The following UNC13B variants were observed in gnomAD, a reference collection of about 807,000 sequenced individuals.
UNC13B encodes the protein protein unc-13 homolog B.
A neutral mutation model predicts 211.0 loss-of-function variants in UNC13B; 144 were observed. The observed-to-expected ratio is 0.68, with a 90% CI of 0.60 to 0.78. UNC13B has a LOEUF of 0.78. Ranked by LOEUF, UNC13B falls within the 30% of genes least tolerant of loss-of-function variation. The pLI is 0.00. For missense variants in UNC13B, 1,777 were observed against 2,002.0 expected (o/e 0.89, Z 2.14); for synonymous variants, 709 against 725.8 (o/e 0.98, Z 0.37).
chr9:35,212,386 A>G (rs1417568841), intron 1 of UNC13B, among the ~76,000 whole-genome samples: 1 of 152,186 alleles, frequency 6.6e-6, no homozygotes, highest in East Asian at 1.9e-4. Context: ...CAGCCTGGCC[A>G]ACATGGCGAA....
intron 1 of UNC13B, among the ~76,000 whole-genome samples, chr9:35,175,878 T>C (rs1821601756): frequency 7.2e-6 from 1 of 138,918 alleles, no homozygotes; most frequent in African/African-American, 2.7e-5. Flanking sequence ...AAAAAAAAAT[T>C]AGCCAGACAT....
intron 1 of UNC13B, among the ~76,000 whole-genome samples, chr9:35,188,615 A>T (rs1822490307): frequency 6.6e-6 from 1 of 152,194 alleles, no homozygotes; most frequent in Non-Finnish European, 1.5e-5. Flanking sequence ...AGGCATCAGG[A>T]AAGACAATTT....
chr9:35,247,447 T>G (rs999802592), intron 6 of UNC13B, among the ~76,000 whole-genome samples: 31 of 152,302 alleles, frequency 2.0e-4, no homozygotes, highest in Middle Eastern at 3.4e-3. Context: ...TCAAAGGGAA[T>G]GCTTCCAGTT....
In UNC13B at chr9:35,404,001, T is replaced by A. The variant is rs1836522687; in HGVS notation, c.12991T>A (p.Ser4331Thr). 1 of 1,613,798 alleles carries A rather than the reference T, an allele frequency of 6.2e-7. No individual in the cohort carries two copies. Among genetic ancestry groups the A allele is most frequent in the Non-Finnish European group, 8.5e-7 (1 of 1,180,014 alleles). The change falls in exon 40 of 40, where the codon TCA becomes ACA. Residue 4331 changes from serine (S) to threonine (T), a missense_variant. Physicochemically the swap from Ser to Thr is moderately conservative, Grantham distance 58. Coordinates refer to ENST00000635942, the MANE Select transcript of UNC13B (RefSeq NM_001371189.2). ...GGCCCGAGAATTTGTGAAACTCAAA[T>A]CAGAGTCTCGTTCCACGGAGGAGGG... ...EVAREFVKLKSESRSTEEGS is the reference protein window; with the variant it reads ...EVAREFVKLKTESRSTEEGS
chr9:35,387,122 G>C (rs555917740), intron 24 of UNC13B, among the ~76,000 whole-genome samples: 1 of 152,258 alleles, frequency 6.6e-6, no homozygotes, highest in South Asian at 2.1e-4. Context: ...AATCAAAAGA[G>C]TCTGTTTGAA....
rs117201546 is a variant in UNC13B, at chr9:35,339,278, C to G, written c.9414+25289C>G. ...AGCAGCCTACTTTGAGGAAGCTTCC[C>G]AACTGAGGTGGGTGCTGTGCTATTT... On this transcript the variant is annotated intron_variant, in intron 11 of 39. Transcript: ENST00000635942. Among the ~76,000 whole-genome samples the G allele has an allele frequency of 4.5e-4, 68 of 152,308 alleles. 1 individual carries two copies. The highest frequency in any genetic ancestry group is 2.7e-3 in the South Asian group (13 of 4,824).
chr9:35,377,971 G>T lies in UNC13B; in HGVS notation c.10063+276G>T, dbSNP rs572890817. On this transcript the variant is annotated intron_variant, in intron 16 of 39. Transcript: ENST00000635942. ...CTAACAGTTTGATATTATAAGAGGT[G>T]GGGGGAGGGGGAAGGGGAAGGGCAG... Among the ~76,000 whole-genome samples the T allele has an allele frequency of 5.9e-5, 9 of 152,178 alleles. No homozygotes were observed. In the East Asian group the frequency reaches 1.2e-3, roughly 20 times the overall value.
chr9:35,331,492 C>T (rs1436515457), intron 11 of UNC13B, among the ~76,000 whole-genome samples: 1 of 152,182 alleles, frequency 6.6e-6, no homozygotes, highest in African/African-American at 2.4e-5. Flanking sequence ...AGCGATCTGC[C>T]TGCCTTGGCC....
At chr9:35,358,376 C>T (rs1309663103) in intron 11 of UNC13B, among the ~76,000 whole-genome samples, 1 of 152,158 alleles carries the variant, frequency 6.6e-6, no homozygotes, top group Non-Finnish European at 1.5e-5. Flanking sequence ...ATCACCATAC[C>T]ATTTTCCATG....
At chr9:35,336,918 G>A (rs566864554) in intron 11 of UNC13B, among the ~76,000 whole-genome samples, 40 of 152,304 alleles carry the variant, frequency 2.6e-4, no homozygotes, top group African/African-American at 9.6e-4. Context: ...CCATCCTGAT[G>A]TTTACTCTCT....
intron 1 of UNC13B, among the ~76,000 whole-genome samples, chr9:35,168,637 C>T (rs1401933433): frequency 6.6e-6 from 1 of 151,766 alleles, no homozygotes; most frequent in Non-Finnish European, 1.5e-5. Context: ...TAAGTTTGAC[C>T]TGTGATTTCC....
At chr9:35,233,062 C>T (rs1587427133) in intron 3 of UNC13B, among the ~76,000 whole-genome samples, 1 of 152,056 alleles carries the variant, frequency 6.6e-6, no homozygotes, top group East Asian at 1.9e-4. Flanking sequence ...TCATTTATTC[C>T]CTCTCTCAGT....
At chr9:35,336,556 G>A (rs1831670114) in intron 11 of UNC13B, among the ~76,000 whole-genome samples, 1 of 152,138 alleles carries the variant, frequency 6.6e-6, no homozygotes, top group Non-Finnish European at 1.5e-5. Flanking sequence ...AAGTGCAGTG[G>A]TGTGATCATG....
chr9:35,313,786 TG>T, intron 10 of UNC13B, 112 bp from the exon 11 acceptor site: 1 of 770,770 alleles, frequency 1.3e-6, no homozygotes, highest in Non-Finnish European at 2.3e-6. Flanking sequence ...ACTAAATAAG[TG>T]TAGGCATGAG....
chr9:35,398,996 T>C lies in UNC13B; in HGVS notation c.12036T>C (p.Asp4012=). 1 of 1,614,158 alleles carries C rather than the reference T, an allele frequency of 6.2e-7. No homozygotes were observed. The highest frequency in any genetic ancestry group is 8.5e-7 in the Non-Finnish European group (1 of 1,180,012). ...GGGCCTCAGCGGCTCAGGATGCAGA[T>C]AGCGTACTCCGGCCTCTCATGGACT... The part of the protein sequence containing the change: ...DARASAAQDA[D]SVLRPLMDFL... The change falls in exon 33 of 40, where the codon GAT becomes GAC. Residue 4012 remains aspartate (D), a synonymous_variant. Coordinates refer to ENST00000635942, the MANE Select transcript of UNC13B (RefSeq NM_001371189.2).
chr9:35,387,080 G>C (rs1305201657), intron 24 of UNC13B, among the ~76,000 whole-genome samples: 2 of 152,180 alleles, frequency 1.3e-5, no homozygotes, highest in African/African-American at 4.8e-5. Context: ...CCTTCAGTAA[G>C]TTTGCAGTCT....
chr9:35,306,379 T>A lies in UNC13B; in HGVS notation c.6975T>A (p.Asn2325Lys), dbSNP rs927425736. 23 of 398,872 alleles carry A rather than the reference T, an allele frequency of 5.8e-5. No homozygotes were observed. Among genetic ancestry groups the A allele is most frequent in the Non-Finnish European group, 1.8e-5 (4 of 226,052 alleles). 24.7% of individuals were successfully genotyped at this position (398,872 alleles called of 1,614,324 possible). A position where few individuals can be genotyped will look rare whatever the true frequency, so the allele number is the denominator to read the frequency against. Residue 2325 changes from asparagine (N) to lysine (K), a missense_variant, in exon 9 of 40, where the codon AAT (asparagine) becomes AAA (lysine). Coordinates refer to ENST00000635942, the MANE Select transcript of UNC13B (RefSeq NM_001371189.2). ...VPGTSVDFQM[N>K]ELQKDIIPPS... The stretch of plus-strand genomic sequence containing the variant: ...GGACATCAGTGGATTTCCAGATGAA[T>A]GAATTGCAAAAAGACATTATTCCTC...
intron 37 of UNC13B, among the ~76,000 whole-genome samples, chr9:35,402,190 T>C (rs1315916362): frequency 6.6e-6 from 1 of 152,094 alleles, no homozygotes; most frequent in African/African-American, 2.4e-5. Flanking sequence ...TGTTGATCTC[T>C]GTCGTATTCT....
chr9:35,288,314 T>C (rs190737276), intron 7 of UNC13B, among the ~76,000 whole-genome samples: 3 of 152,314 alleles, frequency 2.0e-5, no homozygotes, highest in African/African-American at 7.2e-5. Flanking sequence ...TGTGTTGCCC[T>C]CCAGGTAATT....
Sources: gnomAD v4.1 joint callset for allele counts (sites outside exome capture counted in the v4.1 genomes callset) on GRCh38, gnomAD v4.1.1 for gene constraint, MANE v1.5 for transcripts, NCBI Gene and HGNC (gene_info 2026-07-23, HGNC 2026-07-21) for gene names.